FAM13B: variants seen among roughly 807,000 people sequenced by gnomAD.
FAM13B encodes the protein family with sequence similarity 13 member B, also known as protein FAM13B.
In FAM13B, 60 loss-of-function variants were observed where a neutral mutation model predicts 117.3. That is an observed-to-expected ratio of 0.51 (90% CI 0.42 to 0.63). The LOEUF (loss-of-function observed/expected upper bound fraction) is 0.63. Ranked by LOEUF, FAM13B falls within the 30% of genes least tolerant of loss-of-function variation. FAM13B has a pLI of 0.00. For synonymous variants in FAM13B, 332 were observed against 356.1 expected, an observed-to-expected ratio of 0.93 and a Z score of 0.76; for missense variants, 972 against 1,091.9, an observed-to-expected ratio of 0.89 and a Z score of 1.55.
At chr5:138,017,134 T>C (rs1213821214) in intron 4 of FAM13B, among the ~76,000 whole-genome samples, 1 of 152,018 alleles carries the variant, frequency 6.6e-6, no homozygotes, top group Non-Finnish European at 1.5e-5. Context: ...GATTATAGAG[T>C]AAAAGAACAG....
intron 1 of FAM13B, among the ~76,000 whole-genome samples, chr5:138,046,884 T>C (rs1265874320): frequency 6.6e-6 from 1 of 152,094 alleles, no homozygotes; most frequent in Non-Finnish European, 1.5e-5. Flanking sequence ...TAGCTGGGAT[T>C]ACAGGCACCC....
chr5:138,034,697 A>G, upstream of FAM13B, among the ~76,000 whole-genome samples: 1 of 152,252 alleles, frequency 6.6e-6, no homozygotes, highest in East Asian at 1.9e-4. Flanking sequence ...GCCTGATTTC[A>G]GAGCAGCCCA....
At chr5:137,974,401 T>C (rs1383272172) in intron 10 of FAM13B, among the ~76,000 whole-genome samples, 23 of 134,186 alleles carry the variant, frequency 1.7e-4, no homozygotes, top group African/African-American at 4.5e-4. Context: ...TAGGTGGGAA[T>C]TGAACAATGA....
At chr5:138,042,934 A>C (rs1791538586) in intron 1 of FAM13B, among the ~76,000 whole-genome samples, 1 of 152,134 alleles carries the variant, frequency 6.6e-6, no homozygotes, top group African/African-American at 2.4e-5. Context: ...TCTACTAAAA[A>C]TACAAAAAGT....
At chr5:137,982,925 C>T (rs1776167487) in intron 10 of FAM13B, among the ~76,000 whole-genome samples, 1 of 151,754 alleles carries the variant, frequency 6.6e-6, no homozygotes, top group Non-Finnish European at 1.5e-5. Context: ...AAAAATATAC[C>T]AGTGGAAATG....
chr5:138,036,458 A>G (rs1452322576), upstream of FAM13B: 1 of 456,710 alleles, frequency 2.2e-6, no homozygotes, highest in Admixed American at 2.3e-5. Flanking sequence ...TGTGGGAGTC[A>G]GACACAGGCC....
chr5:138,010,003 T>C (rs1156371828), intron 6 of FAM13B, among the ~76,000 whole-genome samples: 4 of 152,072 alleles, frequency 2.6e-5, no homozygotes, highest in Non-Finnish European at 5.9e-5. Flanking sequence ...GTTTTTAAGA[T>C]GGAGTCTTGC....
intron 1 of FAM13B, among the ~76,000 whole-genome samples, chr5:138,047,780 A>G (rs913174431): frequency 3.9e-5 from 6 of 152,212 alleles, no homozygotes; most frequent in African/African-American, 1.4e-4. Flanking sequence ...GCCATGAACC[A>G]GGGAATGTGG....
chr5:138,046,974 G>C (rs990166299), intron 1 of FAM13B, among the ~76,000 whole-genome samples: 1 of 151,914 alleles, frequency 6.6e-6, no homozygotes, highest in Non-Finnish European at 1.5e-5. Context: ...TTGAACTCCT[G>C]ACCTTATGAT....
intron 17 of FAM13B, among the ~76,000 whole-genome samples, chr5:137,949,580 G>T (rs954194225): frequency 6.6e-6 from 1 of 152,178 alleles, no homozygotes; most frequent in Non-Finnish European, 1.5e-5. Flanking sequence ...AGGAGTTCGA[G>T]ACCAGCCTGG....
intron 15 of FAM13B, among the ~76,000 whole-genome samples, chr5:137,953,811 G>C (rs1765680771): frequency 6.6e-6 from 1 of 152,108 alleles, no homozygotes; most frequent in African/African-American, 2.4e-5. Context: ...AAAAGATTAG[G>C]AACTGCTCAG....
chr5:138,041,892 C>CAA (rs879539600), intron 1 of FAM13B, among the ~76,000 whole-genome samples: 2 of 134,666 alleles, frequency 1.5e-5, no homozygotes, highest in Non-Finnish European at 3.2e-5. Context: ...GACCCTGTCT[C>CAA]AAAAAAAAAA....
At chr5:138,022,044 T>C (rs917390218) in intron 1 of FAM13B, among the ~76,000 whole-genome samples, 2 of 147,994 alleles carry the variant, frequency 1.4e-5, no homozygotes, top group African/African-American at 5.1e-5. Flanking sequence ...TGCCAGGAGG[T>C]GGAGGCTGCA....
chr5:137,987,021 A>G (rs933277717), intron 9 of FAM13B, among the ~76,000 whole-genome samples: 13 of 152,208 alleles, frequency 8.5e-5, no homozygotes, highest in African/African-American at 2.4e-4. Flanking sequence ...GTGGGAAGGG[A>G]TAACTATTTA....
At chr5:138,014,334 G>A (rs1784768244) in intron 4 of FAM13B, among the ~76,000 whole-genome samples, 1 of 152,256 alleles carries the variant, frequency 6.6e-6, no homozygotes, top group Non-Finnish European at 1.5e-5. Flanking sequence ...TCTGTGGCCT[G>A]TTAGGAACTG....
At chr5:138,051,701 A>G (rs1791805270) in intron 1 of FAM13B, among the ~76,000 whole-genome samples, 1 of 152,206 alleles carries the variant, frequency 6.6e-6, no homozygotes, top group Non-Finnish European at 1.5e-5. Context: ...ATGTATTTTT[A>G]AGTAAATTAT....
At chr5:138,024,073 T>C (rs1457261134) in intron 1 of FAM13B, among the ~76,000 whole-genome samples, 1 of 152,164 alleles carries the variant, frequency 6.6e-6, no homozygotes, top group East Asian at 1.9e-4. Flanking sequence ...TCCTGTTTCC[T>C]ACCCCTTTTC....
At chr5:138,043,917 G>A (rs776224272) in intron 1 of FAM13B, among the ~76,000 whole-genome samples, 1 of 151,552 alleles carries the variant, frequency 6.6e-6, no homozygotes, top group African/African-American at 2.4e-5. Flanking sequence ...GAAAAGGGGG[G>A]TATTTTGGTA....
upstream of FAM13B, chr5:138,037,267 T>C (rs1168738330): frequency 6.5e-6 from 1 of 152,788 alleles, no homozygotes; most frequent in Non-Finnish European, 1.5e-5. Flanking sequence ...CTACTTGAGA[T>C]AAAATTGTTA....
Sources: gnomAD v4.1 joint callset for allele counts (sites outside exome capture counted in the v4.1 genomes callset) on GRCh38, gnomAD v4.1.1 for gene constraint, MANE v1.5 for transcripts, NCBI Gene and HGNC (gene_info 2026-07-23, HGNC 2026-07-21) for gene names.